The following PCF11 variants were observed in gnomAD, a reference collection of about 807,000 sequenced individuals.
PCF11 encodes PCF11 cleavage and polyadenylation factor subunit.
A neutral mutation model predicts 166.1 loss-of-function variants in PCF11; 19 were observed. The observed-to-expected ratio is 0.11, with a 90% CI of 0.08 to 0.17. The LOEUF (loss-of-function observed/expected upper bound fraction) is 0.17, where lower values mean the gene tolerates loss of function less well. PCF11 is among the 10% of genes least tolerant of loss of function. The pLI is 1.00. For synonymous variants in PCF11, 663 were observed against 644.1 expected, an observed-to-expected ratio of 1.03 and a Z score of -0.44; for missense variants, 1,565 against 1,855.5, an observed-to-expected ratio of 0.84 and a Z score of 2.88.
chr11:83,170,382 T>G (rs901047309), intron 8 of PCF11, among the ~76,000 whole-genome samples: 3 of 152,212 alleles, frequency 2.0e-5, no homozygotes, highest in African/African-American at 7.2e-5. Context: ...AACTGTTCTT[T>G]GACCAAGAAT....
chr11:83,157,774 T>G (rs1347448471), intron 1 of PCF11, 143 bp downstream of exon 1: 2 of 739,174 alleles, frequency 2.7e-6, no homozygotes, highest in Non-Finnish European at 4.5e-6. Context: ...TCAGGCTCGG[T>G]CTTTGGCCCA....
chr11:83,175,585 T>C (rs1301386592), intron 9 of PCF11, among the ~76,000 whole-genome samples: 1 of 152,100 alleles, frequency 6.6e-6, no homozygotes, highest in African/African-American at 2.4e-5. Context: ...ACCCCGTCTC[T>C]ACTAAAAATA....
chr11:83,158,760 A>G (rs1317875438), intron 1 of PCF11: 2 of 152,220 alleles, frequency 1.3e-5, no homozygotes, highest in African/African-American at 4.8e-5. Flanking sequence ...AACAACCACC[A>G]ATATATTGTT....
chr11:83,181,015 G>T, exon 12 of PCF11: 1 of 1,528,218 alleles, frequency 6.5e-7, no homozygotes. Flanking sequence ...TAGACGTTAT[G>T]ACAGTGTTAT....
At chr11:83,171,312 T>A (rs188643552) in intron 8 of PCF11, 2 of 455,510 alleles carry the variant, frequency 4.4e-6, no homozygotes, top group African/African-American at 4.0e-5. Flanking sequence ...TTCAGAATGC[T>A]AATTAGAACA....
In PCF11 at chr11:83,167,103, CA is replaced by C. The variant is rs1860492263; in HGVS notation, c.1818-21del. On this transcript the variant is annotated intron_variant, in intron 5 of 15. Coordinates refer to ENST00000298281, the Ensembl canonical transcript of PCF11. The surrounding 1 kb of genome is among the most constrained non-coding windows in gnomAD (Gnocchi z 4.2). ...TTTTTAAAAAAACATTTCAATGTAA[CA>C]TACTGCTTTTATGGTTTCAGCTTAC... 1 of 1,573,784 alleles carries C rather than the reference CA, an allele frequency of 6.4e-7. No homozygotes were observed. The highest frequency in any genetic ancestry group is 1.4e-5 in the African/African-American group (1 of 73,704).
At chr11:83,168,398 A>G in intron 7 of PCF11, 30 bp from the exon 8 acceptor site, 1 of 1,525,584 alleles carries the variant, frequency 6.6e-7, no homozygotes, top group Non-Finnish European at 8.8e-7. Flanking sequence ...AGATAACTTT[A>G]GTGAAAATAA....
In PCF11 at chr11:83,168,893, G is replaced by A. The variant is rs373033002; in HGVS notation, c.2558G>A (p.Gly853Asp). The A allele has an allele frequency of 5.6e-6, 9 of 1,613,534 alleles. No individual in the cohort carries two copies. The African/African-American group carries it at 9.4e-5, about 17-fold the overall frequency. The stretch of plus-strand genomic sequence containing the variant: ...GGTTTTCGGTTTGAAGGTTCCCCTG[G>A]TCTGAGGTTTGAGGGATCTCCAGGT... Residue 853 changes from glycine (G) to aspartate (D), a missense_variant, in exon 8 of 16, where the codon GGT becomes GAT. Coordinates refer to ENST00000298281, the Ensembl canonical transcript of PCF11.
intron 15 of PCF11, 143 bp from the exon 16 acceptor site, chr11:83,184,536 A>G (rs1281670963): frequency 1.6e-6 from 1 of 629,692 alleles, no homozygotes; most frequent in Non-Finnish European, 2.8e-6. Context: ...TTTATGGCAC[A>G]TTTTGTTGGG....
intron 1 of PCF11, among the ~76,000 whole-genome samples, chr11:83,160,321 G>GTTTTTTTTTTTTTTTTTTTTTTTTTTT (rs35201107): frequency 3.7e-4 from 34 of 91,282 alleles, no homozygotes; most frequent in Non-Finnish European, 4.5e-4. Flanking sequence ...GATAACCTAA[G>GTTTTTTTTTTTTTTTTTTTTTTTTTTT]TTTTTTTTTT....
At chr11:83,163,824 A>C in exon 3 of PCF11, 1 of 1,582,536 alleles carries the variant, frequency 6.3e-7, no homozygotes, top group Non-Finnish European at 8.6e-7. Context: ...CCCAATGTGA[A>C]TACGTCTAGC....
intron 11 of PCF11, among the ~76,000 whole-genome samples, chr11:83,178,108 C>G (rs1860950968): frequency 6.6e-6 from 1 of 152,130 alleles, no homozygotes; most frequent in South Asian, 2.1e-4. Context: ...TGGCGTGATC[C>G]TGACTCACTG....
chr11:83,169,943 T>G (rs1214379614), exon 8 of PCF11: 1 of 1,608,322 alleles, frequency 6.2e-7, no homozygotes, highest in Non-Finnish European at 8.5e-7. Context: ...TTTGGAAACT[T>G]TGGCAATATA....
chr11:83,174,931 T>G (rs1860821890), intron 9 of PCF11, among the ~76,000 whole-genome samples: 1 of 152,232 alleles, frequency 6.6e-6, no homozygotes, highest in African/African-American at 2.4e-5. Context: ...ATTCATGTAT[T>G]CAGACATTTA....
chr11:83,161,019 C>T (rs1860229882), intron 1 of PCF11, among the ~76,000 whole-genome samples: 1 of 152,136 alleles, frequency 6.6e-6, no homozygotes, highest in Admixed American at 6.5e-5. Context: ...CCCTCGCCTC[C>T]TCCTTATTTT....
At chr11:83,166,189 A>C in exon 5 of PCF11, 1 of 1,609,904 alleles carries the variant, frequency 6.2e-7, no homozygotes, top group Non-Finnish European at 8.5e-7. Flanking sequence ...AAAAAGGATA[A>C]AGATGAGCAC....
Position 83,167,387 on chromosome 11 carries a change from T to G in PCF11, c.2002-28T>G, listed in dbSNP as rs1860508059. ...TGGTATTTTTTTATATTTAAAATAT[T>G]TTATTTCCTTTTATCACCCCTATAC... On this transcript the variant is annotated intron_variant, in intron 6 of 15. Transcript: ENST00000298281. The surrounding 1 kb of genome is among the most constrained non-coding windows in gnomAD (Gnocchi z 4.2). 1.3e-6 allele frequency: 2 copies of G among 1,527,032 alleles called. No individual in the cohort carries two copies. The highest frequency in any genetic ancestry group is 1.8e-6 in the Non-Finnish European group (2 of 1,140,888). 94.6% of individuals were successfully genotyped at this position (1,527,032 alleles called of 1,614,324 possible).
At chr11:83,184,916 T>C (rs753700685) in exon 16 of PCF11, 23 of 1,490,486 alleles carry the variant, frequency 1.5e-5, no homozygotes, top group Non-Finnish European at 2.1e-5. Context: ...AAGGTATGTT[T>C]TTCTTTTTTA....
At chr11:83,182,777 T>C (rs1411995540) in intron 14 of PCF11, among the ~76,000 whole-genome samples, 1 of 152,184 alleles carries the variant, frequency 6.6e-6, no homozygotes. Context: ...ACTATTTTGA[T>C]TGTGGATTTA....
Sources: gnomAD v4.1 joint callset for allele counts (sites outside exome capture counted in the v4.1 genomes callset) on GRCh38, gnomAD v4.1.1 for gene constraint, Gnocchi (gnomAD v3.1) non-coding constraint, MANE v1.5 for transcripts, NCBI Gene and HGNC (gene_info 2026-07-23, HGNC 2026-07-21) for gene names.